Variants in FHIT observed in about 807,000 individuals in gnomAD.
FHIT encodes bis(5'-adenosyl)-triphosphatase.
A neutral mutation model predicts 17.9 loss-of-function variants in FHIT; 19 were observed. That is an observed-to-expected ratio of 1.06 (90% CI 0.74 to 1.56). FHIT has a LOEUF of 1.56. Ranked by LOEUF, FHIT falls within the 40% of genes most tolerant of loss-of-function variation. The pLI, the probability that FHIT is intolerant of heterozygous loss-of-function variation, is 0.00. For synonymous variants in FHIT, 81 were observed against 69.7 expected (o/e 1.16, Z -0.81); for missense variants, 248 against 189.2 (o/e 1.31, Z -1.82).
chr3:60,168,507 A>T (rs1006930764), intron 5 of FHIT, among the ~76,000 whole-genome samples: 3 of 152,120 alleles, frequency 2.0e-5, no homozygotes, highest in Non-Finnish European at 4.4e-5. Flanking sequence ...TCTCCAAATG[A>T]TCTTGGAGAA....
intron 5 of FHIT, among the ~76,000 whole-genome samples, chr3:60,433,024 GAACT>G (rs1472940675): frequency 6.6e-6 from 1 of 151,254 alleles, no homozygotes; most frequent in Non-Finnish European, 1.5e-5. Context: ...ATCATCTCTA[GAACT>G]AATAGTTCAT....
At chr3:60,404,004 T>C (rs1347778551) in intron 5 of FHIT, among the ~76,000 whole-genome samples, 1 of 152,158 alleles carries the variant, frequency 6.6e-6, no homozygotes, top group African/African-American at 2.4e-5. Context: ...GCGTGGCAGA[T>C]AGGAAATTGA....
intron 5 of FHIT, among the ~76,000 whole-genome samples, chr3:60,133,044 G>A (rs1044716886): frequency 6.6e-6 from 1 of 152,246 alleles, no homozygotes; most frequent in East Asian, 1.9e-4. Flanking sequence ...ACCGAAACAT[G>A]AAAGACTACC....
intron 5 of FHIT, among the ~76,000 whole-genome samples, chr3:60,073,647 A>G (rs762005659): frequency 3.9e-5 from 6 of 151,952 alleles, no homozygotes; most frequent in Non-Finnish European, 7.4e-5. Context: ...TCTTCTACCA[A>G]ATCTATTTTC....
intron 1 of FHIT, among the ~76,000 whole-genome samples, chr3:61,209,599 C>T (rs184584279): frequency 3.9e-5 from 6 of 152,200 alleles, no homozygotes; most frequent in African/African-American, 4.8e-5. Context: ...TCCAGTTGAT[C>T]GCATCGGCTA....
chr3:60,540,255 G>A (rs901744174), intron 4 of FHIT, among the ~76,000 whole-genome samples: 3 of 152,110 alleles, frequency 2.0e-5, no homozygotes, highest in Non-Finnish European at 4.4e-5. Flanking sequence ...CTCACCTTAT[G>A]CATCTTTTCA....
At chr3:60,342,559 T>G (rs1324191688) in intron 5 of FHIT, among the ~76,000 whole-genome samples, 4 of 152,230 alleles carry the variant, frequency 2.6e-5, no homozygotes, top group Non-Finnish European at 4.4e-5. Context: ...TCTTCTCTTC[T>G]GATCAACAGC....
chr3:60,427,055 A>G (rs892925737), intron 5 of FHIT, among the ~76,000 whole-genome samples: 14 of 152,088 alleles, frequency 9.2e-5, no homozygotes, highest in African/African-American at 3.4e-4. Flanking sequence ...AAGGGAAATT[A>G]TCTTGGGTGG....
chr3:61,094,091 T>A (rs752953765), intron 2 of FHIT, among the ~76,000 whole-genome samples: 1 of 150,828 alleles, frequency 6.6e-6, no homozygotes, highest in Non-Finnish European at 1.5e-5. Flanking sequence ...AAATTACACA[T>A]ATGCACATAT....
intron 5 of FHIT, among the ~76,000 whole-genome samples, chr3:60,255,392 C>T (rs1173712353): frequency 6.6e-6 from 1 of 152,128 alleles, no homozygotes; most frequent in African/African-American, 2.4e-5. Context: ...GTTGCAAAGA[C>T]AGATGTCTTT....
At chr3:60,637,457 A>G (rs534109640) in intron 4 of FHIT, among the ~76,000 whole-genome samples, 1 of 152,286 alleles carries the variant, frequency 6.6e-6, no homozygotes, top group South Asian at 2.1e-4. Context: ...AATAACTACT[A>G]TGACCATCAC....
intron 4 of FHIT, among the ~76,000 whole-genome samples, chr3:60,569,752 TATA>T (rs2037301273): frequency 1.7e-4 from 13 of 78,046 alleles, no homozygotes; most frequent in African/African-American, 2.1e-4. Context: ...TATATATATA[TATA>T]TTTTTTTTTT....
intron 7 of FHIT, among the ~76,000 whole-genome samples, chr3:59,989,907 C>T (rs1266800076): frequency 6.6e-6 from 1 of 152,094 alleles, no homozygotes. Context: ...TTCCTCCCCA[C>T]TCTTCCTCCA....
intron 5 of FHIT, among the ~76,000 whole-genome samples, chr3:60,258,063 A>AAC (rs771015313): frequency 3.8e-5 from 2 of 52,126 alleles, no homozygotes; most frequent in Non-Finnish European, 8.2e-5. Flanking sequence ...TTGGAAATTA[A>AAC]ATACACACAC....
intron 2 of FHIT, among the ~76,000 whole-genome samples, chr3:61,146,463 C>T (rs777457776): frequency 5.3e-5 from 8 of 152,004 alleles, no homozygotes; most frequent in Non-Finnish European, 8.8e-5. Flanking sequence ...TCTATGATCT[C>T]ACTTGCAAAC....
rs1420023038 is a variant in FHIT at position 60,949,510 on chromosome 3, CT to C, written c.-111+92536del. ...AACTTCTAGATCCCCTTAACCAGAC[CT>C]GAAAAAGACATTAATCTATTTTAAC... On this transcript the variant is annotated intron_variant, in intron 3 of 9. Transcript: ENST00000492590. Among the ~76,000 whole-genome samples, 3 of 152,090 alleles carry C rather than the reference CT, an allele frequency of 2.0e-5. No individual in the cohort carries two copies. The East Asian group carries it at 5.8e-4, about 29-fold the overall frequency.
At chr3:60,818,780 C>T (rs1553738417) in intron 4 of FHIT, among the ~76,000 whole-genome samples, 1 of 152,130 alleles carries the variant, frequency 6.6e-6, no homozygotes, top group African/African-American at 2.4e-5. Flanking sequence ...ATTCATTTTC[C>T]TGTGGCTATG....
intron 5 of FHIT, among the ~76,000 whole-genome samples, chr3:60,517,513 T>A (rs992093041): frequency 6.6e-6 from 1 of 152,174 alleles, no homozygotes; most frequent in Non-Finnish European, 1.5e-5. Context: ...TTACTATGAA[T>A]TTTTTGCTCT....
chr3:60,063,944 G>C (rs1702395743), intron 5 of FHIT, among the ~76,000 whole-genome samples: 1 of 152,176 alleles, frequency 6.6e-6, no homozygotes, highest in African/African-American at 2.4e-5. Context: ...ACTATGCTTT[G>C]AAACAAGCTA....
Sources: gnomAD v4.1 joint callset for allele counts (sites outside exome capture counted in the v4.1 genomes callset) on GRCh38, gnomAD v4.1.1 for gene constraint, MANE v1.5 for transcripts, NCBI Gene and HGNC (gene_info 2026-07-23, HGNC 2026-07-21) for gene names.